FUBP1: variants seen among roughly 807,000 people sequenced by gnomAD.
FUBP1 encodes far upstream element-binding protein 1.
In FUBP1, 16 loss-of-function variants were observed where a neutral mutation model predicts 94.9. The ratio of observed to expected loss-of-function variants is 0.17; its 90% CI spans 0.11 to 0.26. The LOEUF (loss-of-function observed/expected upper bound fraction) is 0.26. Ranked by LOEUF, FUBP1 falls within the 10% of genes least tolerant of loss-of-function variation. The pLI is 1.00. For missense variants in FUBP1, 583 were observed against 808.6 expected (o/e 0.72, Z 3.38); for synonymous variants, 279 against 254.9 (o/e 1.09, Z -0.90).
intron 18 of FUBP1, among the ~76,000 whole-genome samples, chr1:77,949,795 A>G (rs1392410422): frequency 6.6e-6 from 1 of 152,236 alleles, no homozygotes; most frequent in Non-Finnish European, 1.5e-5. Flanking sequence ...AATGATTTAA[A>G]GACTGTATTA....
intron 9 of FUBP1, 24 bp from the exon 10 acceptor site, chr1:77,964,771 T>C (rs1263736354): frequency 3.2e-6 from 5 of 1,554,628 alleles, no homozygotes; most frequent in Non-Finnish European, 4.4e-6. Flanking sequence ...AGTTAGCTAA[T>C]TTAGAAAGCA....
At chr1:77,969,886 C>A (rs1203770224) in intron 2 of FUBP1, 39 bp downstream of exon 2, 2 of 871,210 alleles carry the variant, frequency 2.3e-6, no homozygotes, top group Admixed American at 2.4e-5. Context: ...CAACTAAACA[C>A]TCTGAAAAAC....
At chr1:77,970,612 G>A (rs1300446665) in intron 1 of FUBP1, among the ~76,000 whole-genome samples, 2 of 152,180 alleles carry the variant, frequency 1.3e-5, no homozygotes, top group Admixed American at 6.5e-5. Context: ...ATTGGACAAT[G>A]TTGTTCTAAG....
In FUBP1 at chr1:77,946,198, CTG is replaced by C. The variant is rs1160356260; in HGVS notation, c.*2566_*2567del. 6.6e-6 allele frequency among the ~76,000 whole-genome samples: 1 copy of C among 151,758 alleles called. No individual in the cohort carries two copies. The highest frequency in any genetic ancestry group is 1.5e-5 in the Non-Finnish European group (1 of 67,882). ...CAAGTGATTTCCTAAATCTTGAAAA[CTG>C]TGTAATTGTCCTTTCTTAATATTAA... On this transcript the variant is annotated 3_prime_UTR_variant, in exon 20 of 20. Transcript: ENST00000370768.
At chr1:77,974,726 T>G (rs1028972656) in intron 1 of FUBP1, among the ~76,000 whole-genome samples, 1 of 152,238 alleles carries the variant, frequency 6.6e-6, no homozygotes, top group Non-Finnish European at 1.5e-5. Context: ...AATATTACCG[T>G]GTATATATTG....
intron 9 of FUBP1, 21 bp from the exon 10 acceptor site, chr1:77,964,768 T>C: frequency 6.4e-7 from 1 of 1,566,794 alleles, no homozygotes; most frequent in Non-Finnish European, 8.8e-7. Context: ...AAAAGTTAGC[T>C]AATTTAGAAA....
Position 77,964,843 on chromosome 1 carries a change from CTTTATAA to C in FUBP1, c.735+20_735+26del, listed in dbSNP as rs1656180862. 6.5e-7 allele frequency: 1 copy of C among 1,535,018 alleles called. No individual in the cohort carries two copies. The highest frequency in any genetic ancestry group is 9.0e-7 in the Non-Finnish European group (1 of 1,108,278). ...CCCAACCCCATTCAACCCACTCTTT[CTTTATAA>C]AGTATAAAGTTAAGTTTACTTGAAC... On this transcript the variant is annotated intron_variant, in intron 9 of 19. Transcript: ENST00000370768.
chr1:77,958,844 T>C (rs1042254739), intron 16 of FUBP1, among the ~76,000 whole-genome samples: 1 of 152,226 alleles, frequency 6.6e-6, no homozygotes, highest in South Asian at 2.1e-4. Flanking sequence ...CCATTAATTA[T>C]ACCATCCCAA....
rs551687724 is a variant in FUBP1 at position 77,972,788 on chromosome 1, AAAG to A, written c.121-2776_121-2774del. On this transcript the variant is annotated intron_variant, in intron 1 of 19. Transcript: ENST00000370768. ...AAAAAGAAAAAAAGAAAAGAAAAGA[AAAG>A]AAAAGAAAAAATGAAAGTTGACAGT... 4.0e-3 allele frequency among the ~76,000 whole-genome samples: 603 copies of A among 152,080 alleles called. 2 individuals carry two copies. The highest frequency in any genetic ancestry group is 0.014 in the Middle Eastern group (4 of 292).
rs1652851751 is a variant in FUBP1 at position 77,949,185 on chromosome 1, C to T, written c.1896G>A (p.Gln632=). ...QAAYYAQTSP[Q]GMPQHPPAPQ... is the part of the protein sequence containing the mutation. ...GTGCTGGAGGATGCTGTGGCATTCC[C>T]TGGGGACTTGTCTGGGCATAATAGG... Residue 632 remains glutamine (Q), a synonymous_variant, in exon 19 of 20, where the codon CAG becomes CAA. Coordinates refer to ENST00000370768, the MANE Select transcript of FUBP1 (RefSeq NM_003902.5). 1.2e-6 allele frequency: 2 copies of T among 1,613,424 alleles called. No homozygotes were observed. The highest frequency in any genetic ancestry group is 1.3e-5 in the African/African-American group (1 of 74,890).
Position 77,965,229 on chromosome 1 carries a change from G to A in FUBP1, c.476C>T (p.Ser159Leu), listed in dbSNP as rs1311986301. The A allele has an allele frequency of 3.8e-6, 6 of 1,596,616 alleles. No individual in the cohort carries two copies. The highest frequency in any genetic ancestry group is 1.3e-5 in the African/African-American group (1 of 74,474). ...MLTGTPESVQ[S>L]AKRLLDQIVE... ...AATCTGGTCCAGTAACCGTTTTGCT[G>A]ACCTGTTAACAAATTAATATTTAAA... Residue 159 changes from serine (S) to leucine (L), a missense_variant and splice_region_variant, in exon 8 of 20, where the codon TCA becomes TTA. Ser to Leu is a moderately radical substitution (Grantham distance 145). Transcript: ENST00000370768.
intron 9 of FUBP1, 41 bp from the exon 10 acceptor site, chr1:77,964,788 AAAACATTTT>A: frequency 6.6e-7 from 1 of 1,511,020 alleles, no homozygotes; most frequent in Non-Finnish European, 9.2e-7. Flanking sequence ...AGCATGTCTC[AAAACATTTT>A]AATTATTCAT....
intron 14 of FUBP1, chr1:77,960,836 G>A (rs541654207): frequency 4.5e-6 from 1 of 222,300 alleles, no homozygotes; most frequent in Non-Finnish European, 8.9e-6. Context: ...CTTACTCACA[G>A]AAATCAGGTC....
chr1:77,969,355 G>A (rs1657088677), intron 2 of FUBP1, among the ~76,000 whole-genome samples: 1 of 151,846 alleles, frequency 6.6e-6, no homozygotes, highest in South Asian at 2.1e-4. Flanking sequence ...AAGCTTCAAC[G>A]ATTACGATTT....
rs568157312 is a variant in FUBP1 at position 77,966,853 on chromosome 1, C to T, written c.415+31G>A. 9.4e-5 allele frequency: 131 copies of T among 1,397,392 alleles called. No homozygotes were observed. The South Asian group carries it at 1.5e-3, about 16-fold the overall frequency. 86.6% of individuals were successfully genotyped at this position (1,397,392 alleles called of 1,614,324 possible). On this transcript the variant is annotated intron_variant, in intron 6 of 19. Transcript: ENST00000370768. ...AAAAAAAAAGCTAGTTTTCTAGTCA[C>T]ACTGAAAATACCATGAGAATGTAAC...
At chr1:77,969,853 C>T (rs1383094571) in intron 2 of FUBP1, 72 bp downstream of exon 2, 1 of 669,330 alleles carries the variant, frequency 1.5e-6, no homozygotes, top group Admixed American at 2.8e-5. Flanking sequence ...AATAAAATAA[C>T]AGAAAAATAC....
In FUBP1 at chr1:77,972,428, A is replaced by G. The variant is rs542348614; in HGVS notation, c.121-2413T>C. On this transcript the variant is annotated intron_variant, in intron 1 of 19. Coordinates refer to ENST00000370768, the MANE Select transcript of FUBP1 (RefSeq NM_003902.5). ...ATTTATACAACTTTACCCACTGAATAGTTCAAAAACTAACCAAATGAAAAT... is the reference window on the plus strand; with the variant it reads ...ATTTATACAACTTTACCCACTGAATGGTTCAAAAACTAACCAAATGAAAAT... 9.9e-5 allele frequency among the ~76,000 whole-genome samples: 15 copies of G among 152,162 alleles called. No homozygotes were observed. The South Asian group carries it at 1.2e-3, about 13-fold the overall frequency.
At chr1:77,975,147 G>A (rs182108744) in intron 1 of FUBP1, among the ~76,000 whole-genome samples, 1 of 152,268 alleles carries the variant, frequency 6.6e-6, no homozygotes, top group African/African-American at 2.4e-5. Context: ...ATTTGCAGAT[G>A]CAGAGCCCAC....
intron 17 of FUBP1, among the ~76,000 whole-genome samples, chr1:77,956,175 T>C (rs1477192681): frequency 6.6e-6 from 1 of 152,228 alleles, no homozygotes; most frequent in Non-Finnish European, 1.5e-5. Context: ...GATGGTTATG[T>C]ATTTTTGAAG....
Sources: gnomAD v4.1 joint callset for allele counts (sites outside exome capture counted in the v4.1 genomes callset) on GRCh38, gnomAD v4.1.1 for gene constraint, MANE v1.5 for transcripts, NCBI Gene and HGNC (gene_info 2026-07-23, HGNC 2026-07-21) for gene names.